HS6ST3: variants seen among roughly 807,000 people sequenced by gnomAD.
The protein encoded by HS6ST3 is heparan sulfate 6-O-sulfotransferase 3, also known as heparan-sulfate 6-O-sulfotransferase 3.
Under a neutral mutation model 36.7 loss-of-function variants are expected in HS6ST3, and 12 were observed. That is an observed-to-expected ratio of 0.33 (90% CI 0.21 to 0.53). The LOEUF is 0.53. HS6ST3 is among the 20% of genes least tolerant of loss of function. HS6ST3 has a pLI of 0.95. For missense variants in HS6ST3, 584 were observed against 640.9 expected, an observed-to-expected ratio of 0.91 and a Z score of 0.96; for synonymous variants, 240 against 257.5, an observed-to-expected ratio of 0.93 and a Z score of 0.65.
chr13:96,550,845 A>C (rs1239327264), intron 1 of HS6ST3, among the ~76,000 whole-genome samples: 1 of 152,168 alleles, frequency 6.6e-6, no homozygotes, highest in Non-Finnish European at 1.5e-5. Flanking sequence ...TGATAATTTT[A>C]GGGGTAATGA....
At chr13:96,683,532 G>A (rs533565024) in intron 1 of HS6ST3, among the ~76,000 whole-genome samples, 86 of 151,916 alleles carry the variant, frequency 5.7e-4, no homozygotes, top group Non-Finnish European at 1.1e-3. Flanking sequence ...TTGGCACTTC[G>A]TCTCAGGCAA....
At chr13:96,642,507 T>C (rs577522911) in intron 1 of HS6ST3, among the ~76,000 whole-genome samples, 2 of 152,040 alleles carry the variant, frequency 1.3e-5, no homozygotes, top group South Asian at 2.1e-4. Flanking sequence ...TCCTTTATTT[T>C]GGGACTCCCA....
intron 1 of HS6ST3, among the ~76,000 whole-genome samples, chr13:96,171,012 G>T (rs1249579983): frequency 6.6e-6 from 1 of 152,204 alleles, no homozygotes; most frequent in Non-Finnish European, 1.5e-5. Context: ...TTAATCTCAG[G>T]TCATGCTGAT....
At chr13:96,438,693 A>C (rs2055654823) in intron 1 of HS6ST3, among the ~76,000 whole-genome samples, 1 of 152,224 alleles carries the variant, frequency 6.6e-6, no homozygotes, top group Non-Finnish European at 1.5e-5. Context: ...GATGACTCTA[A>C]TGAAACTTCT....
chr13:96,797,957 C>T (rs1195838774), intron 1 of HS6ST3, among the ~76,000 whole-genome samples: 1 of 152,046 alleles, frequency 6.6e-6, no homozygotes, highest in Admixed American at 6.6e-5. Context: ...ATGCAATTCA[C>T]AAGCTCCTAC....
chr13:96,573,035 C>T (rs1418722402), intron 1 of HS6ST3, among the ~76,000 whole-genome samples: 1 of 152,110 alleles, frequency 6.6e-6, no homozygotes, highest in Non-Finnish European at 1.5e-5. Flanking sequence ...AATCCTCACC[C>T]TAACTCAAGG....
intron 1 of HS6ST3, among the ~76,000 whole-genome samples, chr13:96,773,818 C>T (rs1318914153): frequency 2.0e-5 from 3 of 152,208 alleles, no homozygotes; most frequent in Non-Finnish European, 4.4e-5. Flanking sequence ...GCACAGTGTT[C>T]GAGCTCTGCT....
At chr13:96,817,792 C>A (rs1222268331) in intron 1 of HS6ST3, among the ~76,000 whole-genome samples, 1 of 152,010 alleles carries the variant, frequency 6.6e-6, no homozygotes, top group Admixed American at 6.6e-5. Flanking sequence ...CTGCTTATCA[C>A]CAAGAGAAAT....
intron 1 of HS6ST3, among the ~76,000 whole-genome samples, chr13:96,604,964 C>G (rs1312652915): frequency 6.6e-6 from 1 of 152,072 alleles, no homozygotes; most frequent in Non-Finnish European, 1.5e-5. Flanking sequence ...AGGGTTCAGA[C>G]ATTTGGAGAC....
At chr13:96,665,297 C>A (rs959959825) in intron 1 of HS6ST3, among the ~76,000 whole-genome samples, 3 of 152,186 alleles carry the variant, frequency 2.0e-5, no homozygotes, top group Non-Finnish European at 4.4e-5. Flanking sequence ...TGAATGCCTA[C>A]ATTGTGCCAC....
chr13:96,403,712 C>T (rs2055463070), intron 1 of HS6ST3, among the ~76,000 whole-genome samples: 1 of 152,164 alleles, frequency 6.6e-6, no homozygotes, highest in African/African-American at 2.4e-5. Flanking sequence ...TGGGGGAAGG[C>T]TCCATCTTCT....
Position 96,683,039 on chromosome 13 carries a change from G to T in HS6ST3, c.708-149451G>T, listed in dbSNP as rs538174348. ...TCATGAAGGTTTGTTTGATGCAACA[G>T]AGTTGTTATAAGGATTATTTGCATT... is the stretch of plus-strand genomic sequence containing the variant. On this transcript the variant is annotated intron_variant, in intron 1 of 1. Transcript: ENST00000376705. Among the ~76,000 whole-genome samples the T allele has an allele frequency of 1.8e-3, 275 of 152,224 alleles. 1 individual carries two copies. The highest frequency in any genetic ancestry group is 3.0e-3 in the Non-Finnish European group (205 of 67,976).
At chr13:96,272,489 C>T (rs1377405229) in intron 1 of HS6ST3, among the ~76,000 whole-genome samples, 1 of 151,914 alleles carries the variant, frequency 6.6e-6, no homozygotes, top group Non-Finnish European at 1.5e-5. Context: ...GGAATAGAAA[C>T]TTCTTGATGT....
intron 1 of HS6ST3, among the ~76,000 whole-genome samples, chr13:96,654,771 T>C (rs1324616872): frequency 1.3e-5 from 2 of 152,136 alleles, no homozygotes; most frequent in Non-Finnish European, 2.9e-5. Flanking sequence ...AAAAACTAAA[T>C]ATCCTGATTG....
intron 1 of HS6ST3, among the ~76,000 whole-genome samples, chr13:96,357,392 G>A (rs2055215464): frequency 6.6e-6 from 1 of 152,130 alleles, no homozygotes; most frequent in Non-Finnish European, 1.5e-5. Context: ...TATTTCAGGT[G>A]AGAGATGTGT....
chr13:96,816,763 A>G (rs1299347817), intron 1 of HS6ST3, among the ~76,000 whole-genome samples: 1 of 152,210 alleles, frequency 6.6e-6, no homozygotes, highest in East Asian at 1.9e-4. Flanking sequence ...CAGTTGTCAA[A>G]AAGCCATTTC....
chr13:96,111,567 C>G (rs1203554320), intron 1 of HS6ST3, among the ~76,000 whole-genome samples: 1 of 152,050 alleles, frequency 6.6e-6, no homozygotes, highest in African/African-American at 2.4e-5. Context: ...TTTTTTCTGA[C>G]CTCTGGAAGG....
At chr13:96,378,683 G>A (rs2055326245) in intron 1 of HS6ST3, among the ~76,000 whole-genome samples, 1 of 152,064 alleles carries the variant, frequency 6.6e-6, no homozygotes, top group South Asian at 2.1e-4. Context: ...CCTTGTTTTT[G>A]TTCCCTAGTA....
chr13:96,564,689 G>A (rs982694238), intron 1 of HS6ST3, among the ~76,000 whole-genome samples: 4 of 152,094 alleles, frequency 2.6e-5, no homozygotes, highest in Non-Finnish European at 4.4e-5. Flanking sequence ...ACATGATCTC[G>A]CTACACTGAT....
Sources: allele counts gnomAD v4.1 joint callset (sites outside exome capture counted in the v4.1 genomes callset), GRCh38; gene constraint gnomAD v4.1.1; transcripts MANE v1.5; gene names NCBI Gene and HGNC (gene_info 2026-07-23, HGNC 2026-07-21).